Variants in BRWD1 observed in about 807,000 individuals in gnomAD.
BRWD1 encodes bromodomain and WD repeat domain containing 1.
In BRWD1, 82 loss-of-function variants were observed where a neutral mutation model predicts 251.2. The ratio of observed to expected loss-of-function variants is 0.33; its 90% confidence interval spans 0.27 to 0.39. BRWD1 has a LOEUF of 0.39. Among genes scored for constraint, BRWD1 ranks in the 10% least tolerant of loss-of-function variants. The pLI, the probability that BRWD1 is intolerant of heterozygous loss-of-function variation, is 1.00. For missense variants in BRWD1, 2,233 were observed against 2,711.6 expected, an observed-to-expected ratio of 0.82 and a Z score of 3.92; for synonymous variants, 918 against 902.8, an observed-to-expected ratio of 1.02 and a Z score of -0.30.
Position 39,190,230 on chromosome 21 carries a change from C to CTTT in BRWD1, c.*6026_*6028dup. On this transcript the variant is annotated 3_prime_UTR_variant, in exon 41 of 41. Transcript: ENST00000342449. ...AAGGATTAATCATATTCTAATTAGA[C>CTTT]TTTTTTTTAATTTTTAAGCTACCTT... The CTTT allele has an allele frequency of 1.1e-6, 1 of 950,690 alleles. No homozygotes were observed. The highest frequency in any genetic ancestry group is 1.3e-6 in the Non-Finnish European group (1 of 799,302). The allele number at this position is 950,690 out of a possible 1,614,324, so 58.9% of individuals were successfully genotyped here. A position where few individuals can be genotyped will look rare whatever the true frequency, so the allele number is the denominator to read the frequency against.
At chr21:39,229,031 G>GA (rs1313470936) in intron 26 of BRWD1, among the ~76,000 whole-genome samples, 1 of 152,160 alleles carries the variant, frequency 6.6e-6, no homozygotes, top group African/African-American at 2.4e-5. Flanking sequence ...ACAAAGGGCA[G>GA]AAAAAATTTG....
At chr21:39,267,284 T>TA (rs1263120786) in intron 15 of BRWD1, among the ~76,000 whole-genome samples, 1 of 151,878 alleles carries the variant, frequency 6.6e-6, no homozygotes, top group Non-Finnish European at 1.5e-5. Context: ...AATAGGATGC[T>TA]ACTACACTGC....
intron 34 of BRWD1, 123 bp from the exon 35 acceptor site, chr21:39,211,052 AT>A: frequency 4.1e-6 from 4 of 986,676 alleles, no homozygotes; most frequent in East Asian, 3.1e-5. Flanking sequence ...CTCTCAACAC[AT>A]TTTTCCAGAA....
chr21:39,204,540 C>A (rs1409666325), intron 37 of BRWD1, among the ~76,000 whole-genome samples: 1 of 151,984 alleles, frequency 6.6e-6, no homozygotes, highest in Non-Finnish European at 1.5e-5. Context: ...ACAAATAATC[C>A]TCAGTAATAC....
intron 11 of BRWD1, 124 bp from the exon 12 acceptor site, chr21:39,276,337 T>C (rs1424211123): frequency 6.0e-6 from 4 of 671,048 alleles, no homozygotes; most frequent in African/African-American, 5.5e-5. Context: ...TTGTGTTGCT[T>C]AGCCCTGTCA....
chr21:39,312,759 G>T, intron 4 of BRWD1, 82 bp downstream of exon 4: 1 of 1,194,102 alleles, frequency 8.4e-7, no homozygotes, highest in Non-Finnish European at 1.2e-6. Flanking sequence ...CACCCCACGG[G>T]CCGGGGTCCC....
chr21:39,219,771 G>C (rs2033099049), intron 29 of BRWD1: 1 of 152,214 alleles, frequency 6.6e-6, no homozygotes. Context: ...TTTTAGCTGA[G>C]AGATGGGAAT....
At chr21:39,275,113 A>T (rs2035240137) in intron 12 of BRWD1, among the ~76,000 whole-genome samples, 3 of 152,172 alleles carry the variant, frequency 2.0e-5, no homozygotes, top group Admixed American at 2.0e-4. Context: ...AAGTATAGGA[A>T]AATAAGAGCA....
At chr21:39,301,891 C>A (rs1452379378) in intron 4 of BRWD1, among the ~76,000 whole-genome samples, 3 of 122,786 alleles carry the variant, frequency 2.4e-5, no homozygotes, top group South Asian at 4.7e-4. Flanking sequence ...CTTTACTGTG[C>A]CGAAAAAAAA....
intron 25 of BRWD1, among the ~76,000 whole-genome samples, chr21:39,230,821 G>A (rs527768230): frequency 1.5e-4 from 23 of 149,808 alleles, no homozygotes; most frequent in Non-Finnish European, 2.8e-4. Flanking sequence ...AAAAAAAAAA[G>A]GCAGAGCAAC....
rs771944146 is a variant in BRWD1, at chr21:39,224,409, A to G, written c.3381T>C (p.Asn1127=). 6.4e-7 allele frequency: 1 copy of G among 1,563,816 alleles called. No homozygotes were observed. Among genetic ancestry groups the G allele is most frequent in the African/African-American group, 1.4e-5 (1 of 73,624 alleles). Residue 1127 remains asparagine, a splice_region_variant and synonymous_variant, in exon 29 of 41, where the codon AAT becomes AAC. Coordinates refer to ENST00000342449, the MANE Select transcript of BRWD1 (RefSeq NM_033656.4). ...SPWDMEPIPD[N]VDPPEELGAS... ...TCATTATTTAACAAATATATATACCATTATCAGGAATTGGTTCCATGTCCC... is the reference window on the plus strand; with the variant it reads ...TCATTATTTAACAAATATATATACCGTTATCAGGAATTGGTTCCATGTCCC...
chr21:39,315,234 C>T (rs537536195), upstream of BRWD1, among the ~76,000 whole-genome samples: 11 of 151,860 alleles, frequency 7.2e-5, no homozygotes, highest in Non-Finnish European at 1.6e-4. Context: ...GAACTCCTGG[C>T]CTCAGGTGAT....
chr21:39,274,963 C>A lies in BRWD1; in HGVS notation c.1146-491G>T, dbSNP rs2035233968. Among the ~76,000 whole-genome samples, 2 of 151,922 alleles carry A rather than the reference C, an allele frequency of 1.3e-5. 1 individual carries two copies. Among genetic ancestry groups the A allele is most frequent in the Middle Eastern group, 6.3e-3 (2 of 316 alleles). On this transcript the variant is annotated intron_variant, in intron 12 of 40. Coordinates refer to ENST00000342449, the MANE Select transcript of BRWD1 (RefSeq NM_033656.4). Reference sequence around the variant, plus strand: ...GCTAAGACAGGAGAATCGCTTGAACCCAGGAGGGGGAGGTTGCAGTGCAGT... The same window carrying A: ...GCTAAGACAGGAGAATCGCTTGAACACAGGAGGGGGAGGTTGCAGTGCAGT...
At chr21:39,232,773 A>G (rs2033667196) in intron 23 of BRWD1, among the ~76,000 whole-genome samples, 2 of 152,178 alleles carry the variant, frequency 1.3e-5, no homozygotes, top group Admixed American at 6.5e-5. Flanking sequence ...TAGGGGGCTA[A>G]TACCCAGCCT....
At chr21:39,268,774 C>G (rs190384274) in intron 15 of BRWD1, among the ~76,000 whole-genome samples, 1 of 152,210 alleles carries the variant, frequency 6.6e-6, no homozygotes, top group East Asian at 1.9e-4. Context: ...ATCATGAGGT[C>G]AAGAGATGGA....
intron 4 of BRWD1, among the ~76,000 whole-genome samples, chr21:39,301,210 A>AC (rs1198637335): frequency 1.3e-5 from 2 of 151,212 alleles, no homozygotes; most frequent in Non-Finnish European, 2.9e-5. Flanking sequence ...ACCTAGGTGC[A>AC]CATGTGAAAG....
chr21:39,201,497 A>G (rs2146467340), intron 38 of BRWD1, among the ~76,000 whole-genome samples: 1 of 152,326 alleles, frequency 6.6e-6, no homozygotes, highest in African/African-American at 2.4e-5. Context: ...CATTGTTTGT[A>G]ACATTCCCCA....
Position 39,189,984 on chromosome 21 carries a change from T to C in BRWD1, c.*6275A>G, listed in dbSNP as rs1456329766. On this transcript the variant is annotated 3_prime_UTR_variant, in exon 41 of 41. Transcript: ENST00000342449. ...CAAAGTCATTGAGTGCTTGAGGACT[T>C]GTTTTCCTGGAAGTGATTCCCTACT... 1 of 985,404 alleles carries C rather than the reference T, an allele frequency of 1.0e-6. No individual in the cohort carries two copies. The highest frequency in any genetic ancestry group is 1.1e-4 in the East Asian group (1 of 8,816). 61.0% of individuals were successfully genotyped at this position (985,404 alleles called of 1,614,324 possible). A position where few individuals can be genotyped will look rare whatever the true frequency, so the allele number is the denominator to read the frequency against.
In BRWD1 at chr21:39,199,315, G is replaced by C. The variant is rs1328371593; in HGVS notation, c.5101C>G (p.Pro1701Ala). 6.2e-7 allele frequency: 1 copy of C among 1,614,130 alleles called. No individual in the cohort carries two copies. The highest frequency in any genetic ancestry group is 8.5e-7 in the Non-Finnish European group (1 of 1,179,998). The change falls in exon 40 of 41, where the codon CCA (proline) becomes GCA (alanine). Residue 1701 changes from proline to alanine, a missense_variant. Around this residue, in one of 12 missense-constraint regions of BRWD1, gnomAD observed 928 missense variants for 970.0 expected, o/e 0.96. Transcript: ENST00000342449. The part of the protein sequence containing the change: ...EELKDENQLL[P>A]VSSSHTAQSN... ...TGGGCAGTGTGAGAACTGGACACTG[G>C]TAATAGTTGATTTTCATCTTTTAGC...
Sources: gnomAD v4.1 joint callset for allele counts (sites outside exome capture counted in the v4.1 genomes callset) on GRCh38, gnomAD v4.1.1 for gene constraint, gnomAD v4.1.1 regional missense constraint, MANE v1.5 for transcripts, NCBI Gene and HGNC (gene_info 2026-07-23, HGNC 2026-07-21) for gene names.